CSNK1A1: variants seen among roughly 807,000 people sequenced by gnomAD.
CSNK1A1 encodes the protein casein kinase I isoform alpha.
CSNK1A1 carries 7 observed loss-of-function variants against 46.1 expected under a neutral mutation model. The ratio of observed to expected loss-of-function variants is 0.15; its 90% CI spans 0.09 to 0.29. The LOEUF (loss-of-function observed/expected upper bound fraction) is 0.29, where lower values mean the gene tolerates loss of function less well. CSNK1A1 is among the 10% of genes least tolerant of loss of function. The pLI, the probability that CSNK1A1 is intolerant of heterozygous loss-of-function variation, is 1.00. For synonymous variants in CSNK1A1, 137 were observed against 141.5 expected (o/e 0.97, Z 0.23); for missense variants, 96 against 417.1 (o/e 0.23, Z 6.71).
chr5:149,505,118 T>C, intron 9 of CSNK1A1: 2 of 1,018,448 alleles, frequency 2.0e-6, no homozygotes, highest in Non-Finnish European at 2.3e-6. Flanking sequence ...GATTATATTA[T>C]ATTCCCAACA....
At chr5:149,501,216 G>T in intron 9 of CSNK1A1, 1 of 985,248 alleles carries the variant, frequency 1.0e-6, no homozygotes, top group Non-Finnish European at 1.2e-6. Flanking sequence ...ACTTTCATCC[G>T]CATTTCCTGT....
At chr5:149,536,358 G>C (rs1384293124) in intron 2 of CSNK1A1, among the ~76,000 whole-genome samples, 1 of 152,126 alleles carries the variant, frequency 6.6e-6, no homozygotes, top group Admixed American at 6.6e-5. Flanking sequence ...TGGATGAAGG[G>C]AACACTTCCC....
chr5:149,498,994 G>A (rs1290962795), intron 9 of CSNK1A1: 1 of 985,278 alleles, frequency 1.0e-6, no homozygotes, highest in Non-Finnish European at 1.2e-6. Context: ...TGGTAGAATA[G>A]AGCAGTCAAA....
At chr5:149,533,432 C>A (rs1761958971) in intron 2 of CSNK1A1, among the ~76,000 whole-genome samples, 2 of 151,908 alleles carry the variant, frequency 1.3e-5, no homozygotes, top group South Asian at 4.2e-4. Context: ...GGCAGAGACC[C>A]AGGTTAAGGG....
At chr5:149,527,177 G>A (rs867886182) in intron 2 of CSNK1A1, among the ~76,000 whole-genome samples, 3 of 151,290 alleles carry the variant, frequency 2.0e-5, no homozygotes, top group East Asian at 3.9e-4. Context: ...CGACAGGCTC[G>A]AGTGCAGTGG....
At chr5:149,548,742 A>G (rs1170725444) in intron 2 of CSNK1A1, among the ~76,000 whole-genome samples, 1 of 149,532 alleles carries the variant, frequency 6.7e-6, no homozygotes, top group Non-Finnish European at 1.5e-5. Flanking sequence ...CCAGCTACTC[A>G]GGAGGCTGAG....
intron 2 of CSNK1A1, among the ~76,000 whole-genome samples, chr5:149,527,408 G>C (rs1306215810): frequency 6.6e-6 from 1 of 152,120 alleles, no homozygotes; most frequent in African/African-American, 2.4e-5. Context: ...TTACAGGTTT[G>C]AGCCACCACA....
chr5:149,500,812 A>T (rs1254736615), intron 9 of CSNK1A1, among the ~76,000 whole-genome samples: 1 of 141,042 alleles, frequency 7.1e-6, no homozygotes, highest in Non-Finnish European at 1.5e-5. Context: ...AGAATAATTA[A>T]AAAAAAAAAA....
intron 9 of CSNK1A1, chr5:149,501,128 G>A (rs1327729779): frequency 1.0e-6 from 1 of 985,428 alleles, no homozygotes; most frequent in Non-Finnish European, 1.2e-6. Flanking sequence ...TCATCCAGAT[G>A]ATCTAACAAG....
chr5:149,524,104 TAAATAAAGGTAAGTGATAAAAC>T (rs1561762276), intron 3 of CSNK1A1, among the ~76,000 whole-genome samples: 2 of 152,206 alleles, frequency 1.3e-5, no homozygotes, highest in Non-Finnish European at 2.9e-5. Flanking sequence ...AGTGATAAAG[TAAATAAAGGTAAGTGATAAAAC>T]AAATAACCTG....
intron 2 of CSNK1A1, among the ~76,000 whole-genome samples, chr5:149,547,096 C>T (rs1373296055): frequency 6.6e-6 from 1 of 152,168 alleles, no homozygotes; most frequent in African/African-American, 2.4e-5. Context: ...CCTTTAGAGA[C>T]TACACCCAGA....
chr5:149,534,407 C>T (rs1761989916), intron 2 of CSNK1A1, among the ~76,000 whole-genome samples: 1 of 148,236 alleles, frequency 6.7e-6, no homozygotes, highest in Non-Finnish European at 1.5e-5. Context: ...TTGCTTGAAC[C>T]CGGGAGGCGG....
chr5:149,549,501 C>A, intron 2 of CSNK1A1: 3 of 702,484 alleles, frequency 4.3e-6, no homozygotes, highest in Non-Finnish European at 7.8e-6. Flanking sequence ...AAGGTTTAAT[C>A]CACTCGGGGC....
In CSNK1A1 at chr5:149,513,702, C is replaced by A. The variant is rs369627323; in HGVS notation, c.457-493G>T. Among the ~76,000 whole-genome samples the A allele has an allele frequency of 4.4e-3, 668 of 152,152 alleles. 6 individuals are homozygous for A. The highest frequency in any genetic ancestry group is 0.016 in the African/African-American group (649 of 41,512). ...ATAACTTGAGGTCAGGAGTTCAAGA[C>A]CAGCCTGACCAAACATGGCAAAGTC... On this transcript the variant is annotated intron_variant, in intron 4 of 9. Transcript: ENST00000377843.
chr5:149,529,495 A>T, intron 2 of CSNK1A1: 1 of 241,838 alleles, frequency 4.1e-6, no homozygotes, highest in South Asian at 4.4e-5. Context: ...CACACAAAAG[A>T]TCAATGAGAA....
intron 9 of CSNK1A1, chr5:149,501,265 A>G (rs576365904): frequency 4.1e-6 from 3 of 740,306 alleles, no homozygotes; most frequent in African/African-American, 3.9e-5. Context: ...TGTCCACAGT[A>G]AAAAAAAAAG....
intron 6 of CSNK1A1, 67 bp from the exon 7 acceptor site, chr5:149,510,020 G>A (rs1580826261): frequency 3.8e-6 from 4 of 1,052,494 alleles, no homozygotes; most frequent in Admixed American, 2.2e-5. Context: ...GTAGTTTAAC[G>A]CACTAGACAT....
At position 149,534,850 on chromosome 5, in the gene CSNK1A1, G is replaced by A. The variant is rs936957009; in HGVS notation, c.231-9679C>T. ...GAGGCAGGAGGATCACTTGAGCCTC[G>A]GCTGTTGAGGCTAGCCACTGTACTC... On this transcript the variant is annotated intron_variant, in intron 2 of 9. Transcript: ENST00000377843. 3.3e-5 allele frequency among the ~76,000 whole-genome samples: 5 copies of A among 150,920 alleles called. No homozygotes were observed. In the East Asian group the frequency reaches 5.8e-4, roughly 18 times the overall value.
At chr5:149,506,652 A>T (rs949325274) in intron 8 of CSNK1A1, among the ~76,000 whole-genome samples, 2 of 152,170 alleles carry the variant, frequency 1.3e-5, no homozygotes, top group African/African-American at 4.8e-5. Flanking sequence ...ACCCTAGTTT[A>T]GGACTGCTAC....
Sources: gnomAD v4.1 joint callset for allele counts (sites outside exome capture counted in the v4.1 genomes callset) on GRCh38, gnomAD v4.1.1 for gene constraint, MANE v1.5 for transcripts, NCBI Gene and HGNC (gene_info 2026-07-23, HGNC 2026-07-21) for gene names.